The following NXPH1 variants were observed in gnomAD, a reference collection of about 807,000 sequenced individuals.
The protein encoded by NXPH1 is neurexophilin 1, also known as neurexophilin-1.
In NXPH1, 5 loss-of-function variants were observed where a neutral mutation model predicts 23.7. The ratio of observed to expected loss-of-function variants is 0.21; its 90% CI spans 0.11 to 0.44. The LOEUF is 0.44. NXPH1 is among the 20% of genes least tolerant of loss of function. The pLI is 0.99. For missense variants in NXPH1, 324 were observed against 321.6 expected (o/e 1.01, Z -0.06); for synonymous variants, 144 against 122.2 (o/e 1.18, Z -1.18).
intron 2 of NXPH1, among the ~76,000 whole-genome samples, chr7:8,719,540 G>A (rs537814170): frequency 6.6e-5 from 10 of 152,248 alleles, no homozygotes; most frequent in African/African-American, 2.2e-4. Context: ...CTAAAAGTAG[G>A]ATTATTAATG....
At chr7:8,740,762 T>A (rs528885429) in intron 2 of NXPH1, among the ~76,000 whole-genome samples, 4 of 152,272 alleles carry the variant, frequency 2.6e-5, no homozygotes, top group African/African-American at 9.6e-5. Context: ...TTTACTGATA[T>A]GTAATTGACC....
At chr7:8,626,552 A>G (rs574051241) in intron 2 of NXPH1, among the ~76,000 whole-genome samples, 1 of 152,058 alleles carries the variant, frequency 6.6e-6, no homozygotes, top group East Asian at 1.9e-4. Flanking sequence ...TACTCCTTAC[A>G]ATGACTGATA....
At position 8,642,658 on chromosome 7, in the gene NXPH1, A is replaced by G. The variant is rs1478310851; in HGVS notation, c.55-108350A>G. 4.6e-5 allele frequency among the ~76,000 whole-genome samples: 7 copies of G among 152,174 alleles called. 1 individual carries two copies. The highest frequency in any genetic ancestry group is 4.6e-4 in the Admixed American group (7 of 15,266). ...ATTTTCTTGGATATTTTACATGAAT[A>G]TCATCAATAAATAATGACTTTTTAT... is the stretch of plus-strand genomic sequence containing the variant. On this transcript the variant is annotated intron_variant, in intron 2 of 2. Transcript: ENST00000405863.
At chr7:8,590,436 A>T (rs1446161943) in intron 2 of NXPH1, among the ~76,000 whole-genome samples, 1 of 152,052 alleles carries the variant, frequency 6.6e-6, no homozygotes. Context: ...TCATTTCTCC[A>T]AGGACATGCT....
intron 2 of NXPH1, among the ~76,000 whole-genome samples, chr7:8,683,173 G>C (rs1226597224): frequency 6.6e-6 from 1 of 152,156 alleles, no homozygotes; most frequent in Admixed American, 6.5e-5. Context: ...CACATGGTGA[G>C]AGATTAAACA....
intron 2 of NXPH1, among the ~76,000 whole-genome samples, chr7:8,492,021 T>C (rs1817255417): frequency 6.6e-6 from 1 of 152,028 alleles, no homozygotes; most frequent in Admixed American, 6.6e-5. Flanking sequence ...TTATGCCACT[T>C]ACCTCCAGAG....
intron 2 of NXPH1, among the ~76,000 whole-genome samples, chr7:8,661,976 A>T (rs1045959090): frequency 5.9e-5 from 9 of 152,104 alleles, no homozygotes; most frequent in Admixed American, 5.2e-4. Context: ...CACAAAATGT[A>T]ATAAGTAAAT....
chr7:8,467,018 C>A (rs1460153959), intron 2 of NXPH1, among the ~76,000 whole-genome samples: 3 of 152,146 alleles, frequency 2.0e-5, no homozygotes, highest in East Asian at 3.9e-4. Context: ...CCTTCCAGGG[C>A]TGTTGTGAGG....
intron 2 of NXPH1, among the ~76,000 whole-genome samples, chr7:8,734,420 G>T (rs183993516): frequency 1.3e-5 from 2 of 152,266 alleles, no homozygotes; most frequent in East Asian, 3.9e-4. Flanking sequence ...GAACGTCAAT[G>T]GTAGCTTGAT....
chr7:8,515,654 T>G (rs918353332), intron 2 of NXPH1, among the ~76,000 whole-genome samples: 1 of 152,134 alleles, frequency 6.6e-6, no homozygotes, highest in Non-Finnish European at 1.5e-5. Flanking sequence ...TTTACCATGG[T>G]GTTCTAAAGG....
intron 2 of NXPH1, among the ~76,000 whole-genome samples, chr7:8,580,189 G>A (rs1818838328): frequency 6.6e-6 from 1 of 152,174 alleles, no homozygotes; most frequent in Admixed American, 6.5e-5. Context: ...ACAGAAGGAA[G>A]GTAGCTTATG....
intron 2 of NXPH1, among the ~76,000 whole-genome samples, chr7:8,558,573 A>G (rs1818396811): frequency 6.6e-6 from 1 of 151,638 alleles, no homozygotes; most frequent in Non-Finnish European, 1.5e-5. Flanking sequence ...GCCTTTTCTT[A>G]CAAGTAGGTT....
At chr7:8,682,325 T>C (rs1821068662) in intron 2 of NXPH1, among the ~76,000 whole-genome samples, 1 of 152,150 alleles carries the variant, frequency 6.6e-6, no homozygotes, top group South Asian at 2.1e-4. Context: ...ACTTCATAGG[T>C]CTTGGGACGA....
At position 8,670,087 on chromosome 7, in the gene NXPH1, C is replaced by T. The variant is rs1027025000; in HGVS notation, c.55-80921C>T. On this transcript the variant is annotated intron_variant, in intron 2 of 2. Coordinates refer to ENST00000405863, the MANE Select transcript of NXPH1 (RefSeq NM_152745.3). ...GCTCTCTTGAAGATTATCAGTAACC[C>T]CTAATGACGTAAACCAATGTCATTT... Among the ~76,000 whole-genome samples, 3 of 152,258 alleles carry T rather than the reference C, an allele frequency of 2.0e-5. 1 individual carries two copies. In the South Asian group the frequency reaches 6.2e-4, roughly 32 times the overall value.
chr7:8,539,070 A>G (rs934057980), intron 2 of NXPH1, among the ~76,000 whole-genome samples: 2 of 151,878 alleles, frequency 1.3e-5, no homozygotes, highest in Non-Finnish European at 2.9e-5. Flanking sequence ...AACAGCGAAC[A>G]ATATTACACA....
intron 2 of NXPH1, among the ~76,000 whole-genome samples, chr7:8,541,364 T>C (rs899637354): frequency 3.3e-5 from 5 of 151,616 alleles, no homozygotes; most frequent in Non-Finnish European, 5.9e-5. Flanking sequence ...CAACCTAATA[T>C]ATATATAATT....
At chr7:8,486,105 A>G (rs2349484) in intron 2 of NXPH1, among the ~76,000 whole-genome samples, 91,105 of 152,062 alleles carry the variant, frequency 0.6, 30,048 homozygotes, top group African/African-American at 0.88. Context: ...CCATCTGAAT[A>G]AGTCAAAAAT....
At chr7:8,615,578 G>A (rs1185430664) in intron 2 of NXPH1, among the ~76,000 whole-genome samples, 1 of 151,842 alleles carries the variant, frequency 6.6e-6, no homozygotes, top group Admixed American at 6.6e-5. Flanking sequence ...GCCTCATTTT[G>A]GAACAATTAT....
At chr7:8,556,002 C>T (rs1818350873) in intron 2 of NXPH1, among the ~76,000 whole-genome samples, 1 of 151,664 alleles carries the variant, frequency 6.6e-6, no homozygotes, top group Non-Finnish European at 1.5e-5. Context: ...GATAGTCATT[C>T]TCTCTAACTA....
Sources: allele counts gnomAD v4.1 joint callset (sites outside exome capture counted in the v4.1 genomes callset), GRCh38; gene constraint gnomAD v4.1.1; transcripts MANE v1.5; gene names NCBI Gene and HGNC (gene_info 2026-07-23, HGNC 2026-07-21).